The following CACNA1D variants were observed in gnomAD, a reference collection of about 807,000 sequenced individuals.
The protein encoded by CACNA1D is calcium voltage-gated channel subunit alpha1 D, also known as voltage-dependent L-type calcium channel subunit alpha-1D.
A neutral mutation model predicts 257.1 loss-of-function variants in CACNA1D; 55 were observed. That is an observed-to-expected ratio of 0.21 (90% CI 0.17 to 0.27). The LOEUF is 0.27. CACNA1D is among the 10% of genes least tolerant of loss of function. The probability of loss-of-function intolerance (pLI) is 1.00; values close to 1 mark genes in which losing one functional copy is unlikely to be tolerated. For missense variants in CACNA1D, 1,876 were observed against 2,784.0 expected, an observed-to-expected ratio of 0.67 and a Z score of 7.34; for synonymous variants, 980 against 1,014.9, an observed-to-expected ratio of 0.97 and a Z score of 0.65.
chr3:53,624,988 G>T (rs932561587), intron 3 of CACNA1D, among the ~76,000 whole-genome samples: 20 of 152,200 alleles, frequency 1.3e-4, no homozygotes, highest in African/African-American at 4.6e-4. Context: ...GGATGAAGGG[G>T]GAAGAACGTG....
At chr3:53,712,468 C>T (rs2094769155) in intron 9 of CACNA1D, among the ~76,000 whole-genome samples, 1 of 152,194 alleles carries the variant, frequency 6.6e-6, no homozygotes, top group Non-Finnish European at 1.5e-5. Context: ...CAAGAAGAGC[C>T]TGGCTTCTTT....
intron 45 of CACNA1D, among the ~76,000 whole-genome samples, chr3:53,805,952 TCCC>T (rs2095562248): frequency 1.0e-5 from 1 of 95,616 alleles, no homozygotes; most frequent in Non-Finnish European, 2.1e-5. Flanking sequence ...TCCCTCATCT[TCCC>T]TCCTCCTCCC....
chr3:53,746,710 G>A (rs2095172836), intron 25 of CACNA1D, among the ~76,000 whole-genome samples: 1 of 152,172 alleles, frequency 6.6e-6, no homozygotes, highest in Non-Finnish European at 1.5e-5. Flanking sequence ...ATTGGCGTGA[G>A]GACACTGTTT....
At chr3:53,770,693 A>T in intron 32 of CACNA1D, 141 bp downstream of exon 32, 1 of 749,692 alleles carries the variant, frequency 1.3e-6, no homozygotes. Flanking sequence ...GGAATGCTGG[A>T]GAGACCCAAA....
At chr3:53,564,333 G>C (rs1249241931) in intron 3 of CACNA1D, among the ~76,000 whole-genome samples, 2 of 152,100 alleles carry the variant, frequency 1.3e-5, no homozygotes, top group Non-Finnish European at 2.9e-5. Flanking sequence ...GCTAATTTTT[G>C]TATTTTTAGT....
chr3:53,673,344 A>G lies in CACNA1D; in HGVS notation c.1220+218A>G, dbSNP rs1408348369. ...ACTATAGAACGATTATTGACCAGAA[A>G]TTAATCAGCATTGTTGCTTGAGATT... On this transcript the variant is annotated intron_variant, in intron 8 of 47. Transcript: ENST00000350061. This position sits in a 1 kb window ranked among gnomAD's most constrained non-coding sequence, Gnocchi z 4.1. Among the ~76,000 whole-genome samples the G allele has an allele frequency of 6.6e-6, 1 of 152,222 alleles. No homozygotes were observed. The highest frequency in any genetic ancestry group is 1.5e-5 in the Non-Finnish European group (1 of 68,036).
intron 30 of CACNA1D, among the ~76,000 whole-genome samples, chr3:53,767,463 G>T (rs1031422518): frequency 5.3e-5 from 8 of 151,770 alleles, no homozygotes; most frequent in Non-Finnish European, 1.2e-4. Context: ...CTACTCAGGA[G>T]GCTGAGGCAG....
chr3:53,567,097 G>A (rs1482669965), intron 3 of CACNA1D, among the ~76,000 whole-genome samples: 2 of 152,188 alleles, frequency 1.3e-5, no homozygotes, highest in Non-Finnish European at 2.9e-5. Context: ...TGAGTCTTAT[G>A]GAGACGATAA....
At chr3:53,674,147 T>G in intron 8 of CACNA1D, 1 of 446,662 alleles carries the variant, frequency 2.2e-6, no homozygotes. Flanking sequence ...TTGTCCCTTG[T>G]CATTTTGTGT....
rs1006730201 is a variant in CACNA1D, at chr3:53,751,991, C to T, written c.3675+84C>T. 1 of 1,371,434 alleles carries T rather than the reference C, an allele frequency of 7.3e-7. No individual in the cohort carries two copies. The highest frequency in any genetic ancestry group is 1.4e-5 in the African/African-American group (1 of 70,130). 85.0% of individuals were successfully genotyped at this position (1,371,434 alleles called of 1,614,324 possible). A position where few individuals can be genotyped will look rare whatever the true frequency, so the allele number is the denominator to read the frequency against. On this transcript the variant is annotated intron_variant, in intron 28 of 47. Coordinates refer to ENST00000350061, the MANE Select transcript of CACNA1D (RefSeq NM_001128840.3). The surrounding 1 kb of genome is among the most constrained non-coding windows in gnomAD (Gnocchi z 4.3). ...CAAATGCTGAGGGTGGAATGCTGCC[C>T]CTCACAGGAGGGGTTTGATTTTTCT...
intron 3 of CACNA1D, among the ~76,000 whole-genome samples, chr3:53,587,406 G>A (rs905544758): frequency 6.6e-6 from 1 of 152,164 alleles, no homozygotes; most frequent in Non-Finnish European, 1.5e-5. Flanking sequence ...TCTGAGTTAG[G>A]TAACTTTTTA....
chr3:53,692,527 G>A (rs2094537815), intron 8 of CACNA1D, among the ~76,000 whole-genome samples: 1 of 152,152 alleles, frequency 6.6e-6, no homozygotes, highest in Non-Finnish European at 1.5e-5. Flanking sequence ...CAGATAGGTG[G>A]TGCATTCCTT....
At chr3:53,693,468 T>A (rs1205462960) in intron 8 of CACNA1D, among the ~76,000 whole-genome samples, 14 of 152,230 alleles carry the variant, frequency 9.2e-5, no homozygotes, top group African/African-American at 3.4e-4. Flanking sequence ...GTTATTTTTT[T>A]TTTTTTTTTT....
chr3:53,780,632 A>G (rs1239008835), intron 38 of CACNA1D, among the ~76,000 whole-genome samples: 2 of 152,254 alleles, frequency 1.3e-5, no homozygotes, highest in Non-Finnish European at 2.9e-5. Context: ...TAGTGGGATC[A>G]GCATCTTCCC....
intron 29 of CACNA1D, among the ~76,000 whole-genome samples, chr3:53,758,051 A>G (rs779297534): frequency 1.2e-4 from 18 of 152,076 alleles, no homozygotes; most frequent in Non-Finnish European, 2.4e-4. Flanking sequence ...GCTCAGTAAG[A>G]TTGGTGGAAT....
chr3:53,560,061 CT>C (rs34438908), intron 3 of CACNA1D, among the ~76,000 whole-genome samples: 44,521 of 102,572 alleles, frequency 0.43, 8,247 homozygotes, highest in African/African-American at 0.61. Flanking sequence ...TTAGGAGTTC[CT>C]TTTTTTTTTT....
chr3:53,788,106 A>AGAATATGAATAT (rs377518395), intron 40 of CACNA1D, among the ~76,000 whole-genome samples: 1 of 152,124 alleles, frequency 6.6e-6, no homozygotes, highest in Non-Finnish European at 1.5e-5. Context: ...GCTGAGAGAG[A>AGAATATGAATAT]GAATATGAAT....
intron 9 of CACNA1D, 29 bp from the exon 10 acceptor site, chr3:53,718,272 G>A (rs2094841857): frequency 6.3e-7 from 1 of 1,596,608 alleles, no homozygotes; most frequent in African/African-American, 1.3e-5. Context: ...TGCCCCGCAT[G>A]CTCTCTGAAG....
chr3:53,625,627 G>T (rs778240402), intron 3 of CACNA1D, among the ~76,000 whole-genome samples: 7 of 152,170 alleles, frequency 4.6e-5, no homozygotes, highest in Non-Finnish European at 8.8e-5. Context: ...TCAACTTTTA[G>T]GGAGGGGGAC....
Sources: gnomAD v4.1 joint callset for allele counts (sites outside exome capture counted in the v4.1 genomes callset) on GRCh38, gnomAD v4.1.1 for gene constraint, Gnocchi (gnomAD v3.1) non-coding constraint, MANE v1.5 for transcripts, NCBI Gene and HGNC (gene_info 2026-07-23, HGNC 2026-07-21) for gene names.